The following KCNA7 variants were observed in gnomAD, a reference collection of about 807,000 sequenced individuals.
KCNA7 encodes potassium channel, voltage gated shaker related subfamily A, member 7.
In KCNA7, 15 loss-of-function variants were observed where a neutral mutation model predicts 21.5. The observed-to-expected ratio is 0.70, with a 90% CI of 0.47 to 1.07. The LOEUF (loss-of-function observed/expected upper bound fraction) is 1.07, where lower values mean the gene tolerates loss of function less well. Among genes scored for constraint, KCNA7 ranks in the 50% least tolerant of loss-of-function variants. The pLI is 0.00. For missense variants in KCNA7, 640 were observed against 651.6 expected (o/e 0.98, Z 0.19); for synonymous variants, 298 against 291.0 (o/e 1.02, Z -0.24).
In KCNA7 at chr19:49,072,651, C is replaced by T. The variant is rs1417596528; in HGVS notation, c.-66G>A. On this transcript the variant is annotated 5_prime_UTR_variant, in exon 1 of 2. Transcript: ENST00000221444. ...CCCGACGCCCGGCCCCGGTGCGGCCCCGCCTCGGCCGCCTCGGCCGCCGCC... is the reference window on the plus strand; with the variant it reads ...CCCGACGCCCGGCCCCGGTGCGGCCTCGCCTCGGCCGCCTCGGCCGCCGCC... 2.6e-5 allele frequency: 24 copies of T among 926,902 alleles called. No individual in the cohort carries two copies. The highest frequency in any genetic ancestry group is 3.0e-5 in the Non-Finnish European group (23 of 777,894). 57.4% of individuals were successfully genotyped at this position (926,902 alleles called of 1,614,324 possible).
chr19:49,071,433 G>A (rs947028430), intron 1 of KCNA7, among the ~76,000 whole-genome samples: 1 of 152,034 alleles, frequency 6.6e-6, no homozygotes, highest in Non-Finnish European at 1.5e-5. Context: ...GCCTGCACCT[G>A]TAATCCCAGC....
Position 49,072,607 on chromosome 19 carries a change from C to G in KCNA7, c.-22G>C. 2 of 1,198,146 alleles carry G rather than the reference C, an allele frequency of 1.7e-6. No homozygotes were observed. Among genetic ancestry groups the G allele is most frequent in the Non-Finnish European group, 2.1e-6 (2 of 969,428 alleles). The allele number at this position is 1,198,146 out of a possible 1,614,324, so 74.2% of individuals were successfully genotyped here. A position where few individuals can be genotyped will look rare whatever the true frequency, so the allele number is the denominator to read the frequency against. On this transcript the variant is annotated 5_prime_UTR_variant, in exon 1 of 2. Coordinates refer to ENST00000221444, the MANE Select transcript of KCNA7 (RefSeq NM_031886.3). ...CCATGGCGCGCGCAGCCCCGGCGAC[C>G]CGCGAACCGACGTGTGGCCCCGACG...
chr19:49,070,519 A>G lies in KCNA7; in HGVS notation c.915T>C (p.Leu305=). ...GGCCCAGCTCACGCATGGAGGCCCG[A>G]AGCGTCTGGCCCAAGATTTGCAGGC... is the stretch of plus-strand genomic sequence containing the variant. ...SKGLQILGQT[L]RASMRELGLL... Residue 305 remains leucine, a synonymous_variant, in exon 2 of 2, where the codon CTT becomes CTC. Transcript: ENST00000221444. This position sits in a 1 kb window ranked among gnomAD's most constrained non-coding sequence, Gnocchi z 4.3. The G allele has an allele frequency of 6.2e-7, 1 of 1,614,188 alleles. No individual in the cohort carries two copies. The highest frequency in any genetic ancestry group is 8.5e-7 in the Non-Finnish European group (1 of 1,180,036).
Position 49,072,607 on chromosome 19 carries a change from CCG to C in KCNA7, c.-24_-23del. 8.3e-7 allele frequency: 1 copy of C among 1,198,146 alleles called. No individual in the cohort carries two copies. The allele number at this position is 1,198,146 out of a possible 1,614,324, so 74.2% of individuals were successfully genotyped here. A position where few individuals can be genotyped will look rare whatever the true frequency, so the allele number is the denominator to read the frequency against. ...CCATGGCGCGCGCAGCCCCGGCGAC[CCG>C]CGAACCGACGTGTGGCCCCGACGCC... On this transcript the variant is annotated 5_prime_UTR_variant, in exon 1 of 2. Coordinates refer to ENST00000221444, the MANE Select transcript of KCNA7 (RefSeq NM_031886.3).
In KCNA7 at chr19:49,070,765, C is replaced by A. The variant is rs773399974; in HGVS notation, c.669G>T (p.Glu223Asp). ...GACAGACCAGGAGGCGTACCAGCAGCTCAAAGGAGAACCAACAAATACACA... is the reference window on the plus strand; with the variant it reads ...GACAGACCAGGAGGCGTACCAGCAGATCAAAGGAGAACCAACAAATACACA... Reference protein sequence around the residue: ...ETLCICWFSFELLVRLLVCPS... With the variant: ...ETLCICWFSFDLLVRLLVCPS... Residue 223 changes from glutamate to aspartate, a missense_variant, in exon 2 of 2, where the codon GAG becomes GAT. Physicochemically the swap from Glu to Asp is conservative, Grantham distance 45 (BLOSUM62 2). Coordinates refer to ENST00000221444, the MANE Select transcript of KCNA7 (RefSeq NM_031886.3). This position sits in a 1 kb window ranked among gnomAD's most constrained non-coding sequence, Gnocchi z 4.3. The A allele has an allele frequency of 1.2e-6, 2 of 1,614,174 alleles. No homozygotes were observed. Among genetic ancestry groups the A allele is most frequent in the Non-Finnish European group, 1.7e-6 (2 of 1,180,030 alleles).
chr19:49,071,202 A>G lies in KCNA7; in HGVS notation c.556-324T>C, dbSNP rs557266881. ...AGTGTTGATTTTCTAGATGGGGAGC[A>G]TCCCTGCCCTGGCCCCACCACCTTG... On this transcript the variant is annotated intron_variant, in intron 1 of 1. Transcript: ENST00000221444. Among the ~76,000 whole-genome samples the G allele has an allele frequency of 2.0e-5, 3 of 152,166 alleles. No homozygotes were observed. In the South Asian group the frequency reaches 6.2e-4, roughly 32 times the overall value.
intron 1 of KCNA7, among the ~76,000 whole-genome samples, chr19:49,071,751 G>A (rs1302582939): frequency 6.6e-6 from 1 of 151,894 alleles, no homozygotes; most frequent in African/African-American, 2.4e-5. Context: ...GGCTCTCCTT[G>A]GCCCCCCTCA....
Position 49,072,346 on chromosome 19 carries a change from C to G in KCNA7, c.240G>C (p.Arg80=). 6.3e-7 allele frequency: 1 copy of G among 1,594,084 alleles called. No homozygotes were observed. ...AGACGTCGAGCGGCACGTGCGCCGG[C>G]CGCCGCAGCCGCCCACCGGACTGGT... ...YYYQSGGRLR[R]PAHVPLDVFL... is the part of the protein sequence containing the mutation. The change falls in exon 1 of 2, where the codon CGG becomes CGC. Residue 80 remains arginine, a synonymous_variant. Coordinates refer to ENST00000221444, the MANE Select transcript of KCNA7 (RefSeq NM_031886.3).
rs1220514641 is a variant in KCNA7 at position 49,070,257 on chromosome 19, T to C, written c.1177A>G (p.Ile393Val). ...TAAAAGTAGCTGAAATTGGAGACAA[T>C]GACGGGCACTGGCAGGGAAATAGTC... ...VLTISLPVPV[I>V]VSNFSYFYHR... Residue 393 changes from isoleucine to valine, a missense_variant, in exon 2 of 2, where the codon ATT becomes GTT. Physicochemically the swap from Ile to Val is conservative, Grantham distance 29. Coordinates refer to ENST00000221444, the MANE Select transcript of KCNA7 (RefSeq NM_031886.3). This position sits in a 1 kb window ranked among gnomAD's most constrained non-coding sequence, Gnocchi z 4.3. 1.2e-6 allele frequency: 2 copies of C among 1,614,038 alleles called. No homozygotes were observed. Among genetic ancestry groups the C allele is most frequent in the Non-Finnish European group, 1.7e-6 (2 of 1,180,044 alleles).
At chr19:49,071,884 C>G in intron 1 of KCNA7, 147 bp downstream of exon 1, 1 of 847,500 alleles carries the variant, frequency 1.2e-6, no homozygotes. Context: ...GACCCGGATC[C>G]TCAGGCCCCG....
rs3810186 is a variant in KCNA7 at position 49,069,755 on chromosome 19, C to T, written c.*308G>A. 0.17 allele frequency: 53,108 copies of T among 317,414 alleles called. 5,238 individuals are homozygous for T. The highest frequency in any genetic ancestry group is 0.2 in the Non-Finnish European group (34,799 of 170,666). The allele number at this position is 317,414 out of a possible 1,614,324, so 19.7% of individuals were successfully genotyped here. On this transcript the variant is annotated 3_prime_UTR_variant, in exon 2 of 2. Transcript: ENST00000221444. ...GACCTAGGAAACTCACAAAATGATA[C>T]GACCAAACCTATCTCAACACTACCC... is the stretch of plus-strand genomic sequence containing the variant.
Position 49,070,006 on chromosome 19 carries a change from C to T in KCNA7, c.*57G>A, listed in dbSNP as rs1054383308. 8 of 1,405,462 alleles carry T rather than the reference C, an allele frequency of 5.7e-6. No homozygotes were observed. The highest frequency in any genetic ancestry group is 7.8e-6 in the Non-Finnish European group (8 of 1,022,760). 87.1% of individuals were successfully genotyped at this position (1,405,462 alleles called of 1,614,324 possible). A position where few individuals can be genotyped will look rare whatever the true frequency, so the allele number is the denominator to read the frequency against. ...CCTCCCCCCAGCCTTGCCCTCCACC[C>T]TGCCCTCCCTCCCTCCCTCTAGGGA... On this transcript the variant is annotated 3_prime_UTR_variant, in exon 2 of 2. Transcript: ENST00000221444. The surrounding 1 kb of genome is among the most constrained non-coding windows in gnomAD (Gnocchi z 4.3).
At position 49,070,214 on chromosome 19, in the gene KCNA7, C is replaced by T. The variant is rs559662958; in HGVS notation, c.1220G>A (p.Gly407Asp). ...ATGGCTGAACATCCCAGCCTCTTCG[C>T]CCTCTGTCTCCCGGTGATAAAAGTA... ...FSYFYHRETE[G>D]EEAGMFSHVD... is the part of the protein sequence containing the mutation. Residue 407 changes from glycine to aspartate, a missense_variant, in exon 2 of 2, where the codon GGC becomes GAC. By Grantham distance (94) the Gly-to-Asp change is moderately conservative. Coordinates refer to ENST00000221444, the MANE Select transcript of KCNA7 (RefSeq NM_031886.3). This position sits in a 1 kb window ranked among gnomAD's most constrained non-coding sequence, Gnocchi z 4.3. 34 of 1,614,212 alleles carry T rather than the reference C, an allele frequency of 2.1e-5. No individual in the cohort carries two copies. In the East Asian group the frequency reaches 3.1e-4, roughly 15 times the overall value.
rs903234792 is a variant in KCNA7, at chr19:49,069,989, C to G, written c.*74G>C. On this transcript the variant is annotated 3_prime_UTR_variant, in exon 2 of 2. Transcript: ENST00000221444. Reference sequence around the variant, plus strand: ...CTTCCTAAACCCAATCCCCTCCCCCCAGCCTTGCCCTCCACCCTGCCCTCC... The same window carrying G: ...CTTCCTAAACCCAATCCCCTCCCCCGAGCCTTGCCCTCCACCCTGCCCTCC... 10 of 1,211,636 alleles carry G rather than the reference C, an allele frequency of 8.3e-6. No individual in the cohort carries two copies. In the East Asian group the frequency reaches 1.4e-4, roughly 17 times the overall value. 75.1% of individuals were successfully genotyped at this position (1,211,636 alleles called of 1,614,324 possible).
Position 49,072,642 on chromosome 19 carries a change from G to A in KCNA7, c.-57C>T. On this transcript the variant is annotated 5_prime_UTR_variant, in exon 1 of 2. Coordinates refer to ENST00000221444, the MANE Select transcript of KCNA7 (RefSeq NM_031886.3). ...ACGTGTGGCCCCGACGCCCGGCCCC[G>A]GTGCGGCCCCGCCTCGGCCGCCTCG... 9.7e-7 allele frequency: 1 copy of A among 1,030,092 alleles called. No homozygotes were observed. The highest frequency in any genetic ancestry group is 1.2e-6 in the Non-Finnish European group (1 of 858,362). 63.8% of individuals were successfully genotyped at this position (1,030,092 alleles called of 1,614,324 possible).
In KCNA7 at chr19:49,070,871, G is replaced by T; in HGVS notation, c.563C>A (p.Ala188Asp). 1 of 1,611,464 alleles carries T rather than the reference G, an allele frequency of 6.2e-7. No homozygotes were observed. The highest frequency in any genetic ancestry group is 8.5e-7 in the Non-Finnish European group (1 of 1,178,454). ...AAAAAAGPFP[A>D]PLNGSSQMPG... Reference sequence around the variant, plus strand: ...CATTTGGCTGGAGCCATTCAGCGGAGCGGGGAACTGCAGGGAGGAAAGTGT... The same window carrying T: ...CATTTGGCTGGAGCCATTCAGCGGATCGGGGAACTGCAGGGAGGAAAGTGT... The change falls in exon 2 of 2, where the codon GCT (alanine) becomes GAT (aspartate). Residue 188 changes from alanine (A) to aspartate (D), a missense_variant. By Grantham distance (126) the Ala-to-Asp change is moderately radical. Transcript: ENST00000221444. The surrounding 1 kb of genome is among the most constrained non-coding windows in gnomAD (Gnocchi z 4.3).
chr19:49,071,889 G>GCC, intron 1 of KCNA7, 142 bp downstream of exon 1: 3 of 844,554 alleles, frequency 3.6e-6, no homozygotes, highest in Non-Finnish European at 1.8e-6. Context: ...GGATCCTCAG[G>GCC]CCCCGCCTCC....
chr19:49,072,468 C>T lies in KCNA7; in HGVS notation c.118G>A (p.Gly40Arg), dbSNP rs1377205865. Reference sequence around the variant, plus strand: ...AAGCGGCCGCGGCGCGCTGGGTCCCCTAGCAGAGTGTCCGGGAAGCGGCCC... The same window carrying T: ...AAGCGGCCGCGGCGCGCTGGGTCCCTTAGCAGAGTGTCCGGGAAGCGGCCC... ...TLGRFPDTLL[G>R]DPARRGRFYD... The change falls in exon 1 of 2, where the codon GGG (glycine) becomes AGG (arginine). Residue 40 changes from glycine to arginine, a missense_variant. Physicochemically the swap from Gly to Arg is moderately radical, Grantham distance 125. Transcript: ENST00000221444. 3 of 1,560,190 alleles carry T rather than the reference C, an allele frequency of 1.9e-6. No individual in the cohort carries two copies. The South Asian group carries it at 3.5e-5, about 18-fold the overall frequency.
Position 49,070,769 on chromosome 19 carries a change from A to G in KCNA7, c.665T>C (p.Phe222Ser), listed in dbSNP as rs2040251647. 3 of 1,614,086 alleles carry G rather than the reference A, an allele frequency of 1.9e-6. No individual in the cohort carries two copies. The highest frequency in any genetic ancestry group is 1.3e-5 in the African/African-American group (1 of 74,924). Residue 222 changes from phenylalanine to serine, a missense_variant, in exon 2 of 2, where the codon TTT (phenylalanine) becomes TCT (serine). Coordinates refer to ENST00000221444, the MANE Select transcript of KCNA7 (RefSeq NM_031886.3). This position sits in a 1 kb window ranked among gnomAD's most constrained non-coding sequence, Gnocchi z 4.3. ...GACCAGGAGGCGTACCAGCAGCTCA[A>G]AGGAGAACCAACAAATACACAGCGT... ...VETLCICWFS[F>S]ELLVRLLVCP...
Sources: allele counts gnomAD v4.1 joint callset (sites outside exome capture counted in the v4.1 genomes callset), GRCh38; gene constraint gnomAD v4.1.1; non-coding constraint Gnocchi (gnomAD v3.1); transcripts MANE v1.5; gene names NCBI Gene and HGNC (gene_info 2026-07-23, HGNC 2026-07-21).